The following RUFY1 variants were observed in gnomAD, a reference collection of about 807,000 sequenced individuals.
RUFY1 encodes RUN and FYVE domain-containing protein 1.
A neutral mutation model predicts 94.6 loss-of-function variants in RUFY1; 54 were observed. That is an observed-to-expected ratio of 0.57 (90% confidence interval 0.46 to 0.72). The LOEUF is 0.72. Among genes scored for constraint, RUFY1 ranks in the 30% least tolerant of loss-of-function variants. The probability of loss-of-function intolerance (pLI) is 0.00; values close to 1 mark genes in which losing one functional copy is unlikely to be tolerated. For missense variants in RUFY1, 883 were observed against 883.9 expected (o/e 1.00, Z 0.01); for synonymous variants, 396 against 347.3 (o/e 1.14, Z -1.56).
At chr5:179,605,302 A>G (rs565903574) in intron 15 of RUFY1, among the ~76,000 whole-genome samples, 8 of 150,750 alleles carry the variant, frequency 5.3e-5, no homozygotes, top group Non-Finnish European at 1.0e-4. Context: ...AAAGGATCAG[A>G]CTGTTTCCCT....
rs140376186 is a variant in RUFY1, at chr5:179,580,658, G to A, written c.891-289G>A. Among the ~76,000 whole-genome samples the A allele has an allele frequency of 4.6e-3, 694 of 152,090 alleles. 5 individuals are homozygous for A. The highest frequency in any genetic ancestry group is 0.015 in the African/African-American group (641 of 41,480). On this transcript the variant is annotated intron_variant, in intron 6 of 17. Coordinates refer to ENST00000319449, the MANE Select transcript of RUFY1 (RefSeq NM_025158.5). ...TTCAGTAGTATAAGGGTTGTGTCGAGCCATTTGCGTGTGGCAAGTTGGTGT... is the reference window on the plus strand; with the variant it reads ...TTCAGTAGTATAAGGGTTGTGTCGAACCATTTGCGTGTGGCAAGTTGGTGT...
chr5:179,555,645 T>TC, intron 1 of RUFY1: 1 of 258,398 alleles, frequency 3.9e-6, no homozygotes, highest in African/African-American at 3.3e-5. Flanking sequence ...TTTTTTTTTT[T>TC]TGAGCCGGCG....
chr5:179,600,372 C>A (rs1469771447), intron 14 of RUFY1, among the ~76,000 whole-genome samples: 3 of 152,162 alleles, frequency 2.0e-5, no homozygotes, highest in Non-Finnish European at 4.4e-5. Flanking sequence ...GTGTCAGTGC[C>A]GTTGCCCCCT....
rs376644224 is a variant in RUFY1, at chr5:179,594,929, C to G, written c.1477C>G (p.Gln493Glu). Residue 493 changes from glutamine to glutamate, a missense_variant, in exon 12 of 18, where the codon CAA (glutamine) becomes GAA (glutamate). Transcript: ENST00000319449. ...CACATCCTTTGAAGGAAAAACCAAC[C>G]AAGTTATGTCCAGCATGAAACAAAT... Reference protein sequence around the residue: ...AITSFEGKTNQVMSSMKQMEE... With the variant: ...AITSFEGKTNEVMSSMKQMEE... 2.5e-6 allele frequency: 4 copies of G among 1,612,596 alleles called. No individual in the cohort carries two copies. Among genetic ancestry groups the G allele is most frequent in the Non-Finnish European group, 3.4e-6 (4 of 1,179,002 alleles).
chr5:179,609,529 C>A lies in RUFY1; in HGVS notation c.*10C>A. The A allele has an allele frequency of 6.3e-7, 1 of 1,592,724 alleles. No homozygotes were observed. ...CTCCACGGCCTCCTGAACGTCCGTC[C>A]TCAGGAGCACAGCCTCACGGACAGT... On this transcript the variant is annotated 3_prime_UTR_variant, in exon 18 of 18. Transcript: ENST00000319449.
At chr5:179,561,612 A>G (rs1332348052) in intron 2 of RUFY1, among the ~76,000 whole-genome samples, 1 of 151,398 alleles carries the variant, frequency 6.6e-6, no homozygotes, top group African/African-American at 2.4e-5. Context: ...TGATTTTGCC[A>G]TCAAGGAAAA....
intron 13 of RUFY1, 32 bp from the exon 14 acceptor site, chr5:179,598,660 G>A: frequency 6.2e-7 from 1 of 1,613,422 alleles, no homozygotes; most frequent in Non-Finnish European, 8.5e-7. Flanking sequence ...GTCTCCCACT[G>A]AGACTAACTC....
chr5:179,559,390 C>T (rs1762269640), intron 1 of RUFY1, among the ~76,000 whole-genome samples: 1 of 152,190 alleles, frequency 6.6e-6, no homozygotes, highest in Non-Finnish European at 1.5e-5. Context: ...TAAAATTGTC[C>T]ACTAGTAGCG....
chr5:179,592,971 T>C (rs1482868250), intron 10 of RUFY1, among the ~76,000 whole-genome samples: 1 of 152,180 alleles, frequency 6.6e-6, no homozygotes, highest in Non-Finnish European at 1.5e-5. Flanking sequence ...TGATGTGGAG[T>C]CAGCTTTAAC....
intron 13 of RUFY1, chr5:179,596,901 A>T (rs1765711171): frequency 1.9e-6 from 1 of 523,282 alleles, no homozygotes; most frequent in East Asian, 3.3e-5. Flanking sequence ...CCTCCAGAAG[A>T]TCTGGCCACT....
Position 179,550,716 on chromosome 5 carries a change from C to T in RUFY1, c.147C>T (p.Asp49=), listed in dbSNP as rs1761782278. Residue 49 remains aspartate (D), a synonymous_variant, in exon 1 of 18, where the codon GAC becomes GAT. Transcript: ENST00000319449. ...GAAGCCAGCTGCCCGGCCCAGGCGA[C>T]CTGCGGAGCGCAACGAGGCCGCGGG... ...VDRSQLPGPG[D]LRSATRPRAA... is the part of the protein sequence containing the mutation. 2.7e-6 allele frequency: 4 copies of T among 1,486,714 alleles called. No individual in the cohort carries two copies. Among genetic ancestry groups the T allele is most frequent in the Non-Finnish European group, 3.6e-6 (4 of 1,123,520 alleles). The allele number at this position is 1,486,714 out of a possible 1,614,324, so 92.1% of individuals were successfully genotyped here.
intron 8 of RUFY1, 136 bp from the exon 9 acceptor site, chr5:179,589,410 C>T: frequency 4.8e-6 from 3 of 627,808 alleles, no homozygotes; most frequent in Non-Finnish European, 8.6e-6. Context: ...GTATTATTAC[C>T]TATTGAAAAC....
At chr5:179,569,135 G>T (rs1311555489) in intron 4 of RUFY1, 167 bp from the exon 5 acceptor site, 1 of 985,020 alleles carries the variant, frequency 1.0e-6, no homozygotes, top group Non-Finnish European at 1.2e-6. Context: ...GAGGACGGGA[G>T]AAAAAGCAGC....
chr5:179,577,098 CTACCT>C lies in RUFY1; in HGVS notation c.855_859del (p.Tyr285Ter). ...AGGTTGGAGTAATAGATTTTTCCCT[CTACCT>C]TAAGGATGTGCAGGATCTTGATGGT... On this transcript the variant is annotated frameshift_variant, in exon 6 of 18. Coordinates refer to ENST00000319449, the MANE Select transcript of RUFY1 (RefSeq NM_025158.5). LOFTEE classifies it high-confidence loss of function. The C allele has an allele frequency of 1.3e-6, 2 of 1,597,256 alleles. No individual in the cohort carries two copies. Among genetic ancestry groups the C allele is most frequent in the Non-Finnish European group, 1.7e-6 (2 of 1,169,418 alleles).
chr5:179,601,898 C>A lies in RUFY1; in HGVS notation c.1768C>A (p.Arg590=), dbSNP rs368354140. The part of the protein sequence containing the change: ...QQVEGLKKEL[R]ELQDEKAELQ... ...GTTGGTTTGTTCATTTTAGGAGTTG[C>A]GGGAGCTTCAGGACGAGAAGGCAGA... Residue 590 remains arginine, a synonymous_variant, in exon 15 of 18, where the codon CGG becomes AGG. Transcript: ENST00000319449. The A allele has an allele frequency of 1.2e-6, 2 of 1,604,494 alleles. No homozygotes were observed. The highest frequency in any genetic ancestry group is 1.7e-6 in the Non-Finnish European group (2 of 1,174,900).
At chr5:179,604,252 C>A (rs1766786684) in intron 15 of RUFY1, among the ~76,000 whole-genome samples, 1 of 152,180 alleles carries the variant, frequency 6.6e-6, no homozygotes, top group African/African-American at 2.4e-5. Flanking sequence ...CTCCCCTCTT[C>A]CCTTCTTCCT....
chr5:179,588,065 A>G (rs745365727), intron 8 of RUFY1, among the ~76,000 whole-genome samples: 6 of 152,164 alleles, frequency 3.9e-5, no homozygotes, highest in Non-Finnish European at 8.8e-5. Flanking sequence ...CTGCATCTCC[A>G]GAGAGTGGAA....
chr5:179,585,100 C>CG lies in RUFY1; in HGVS notation c.957-696_957-695insG, dbSNP rs535164098. Among the ~76,000 whole-genome samples the CG allele has an allele frequency of 4.7e-4, 72 of 152,208 alleles. 1 individual carries two copies. The South Asian group carries it at 9.4e-3, about 20-fold the overall frequency. Reference sequence around the variant, plus strand: ...GAGTTGAGCTCGCGCCACTGCACTCCAGACTAGGCGAAAGAGTAAGACTCT... The same window carrying CG: ...GAGTTGAGCTCGCGCCACTGCACTCCGAGACTAGGCGAAAGAGTAAGACTCT... On this transcript the variant is annotated intron_variant, in intron 7 of 17. Transcript: ENST00000319449.
intron 10 of RUFY1, among the ~76,000 whole-genome samples, chr5:179,592,364 C>T (rs1765192982): frequency 1.3e-5 from 2 of 152,128 alleles, no homozygotes. Context: ...GTGATCCGCC[C>T]GCCTGAGCCT....
Sources: allele counts gnomAD v4.1 joint callset (sites outside exome capture counted in the v4.1 genomes callset), GRCh38; gene constraint gnomAD v4.1.1; transcripts MANE v1.5; gene names NCBI Gene and HGNC (gene_info 2026-07-23, HGNC 2026-07-21).